ADGRL2: variants seen among roughly 807,000 people sequenced by gnomAD.
ADGRL2 encodes calcium-independent alpha-latrotoxin receptor 2.
ADGRL2 carries 44 observed loss-of-function variants against 157.4 expected under a neutral mutation model. The ratio of observed to expected loss-of-function variants is 0.28; its 90% confidence interval spans 0.22 to 0.36. ADGRL2 has a LOEUF of 0.36. ADGRL2 is among the 10% of genes least tolerant of loss of function. The probability of loss-of-function intolerance (pLI) is 1.00; values close to 1 mark genes in which losing one functional copy is unlikely to be tolerated. For missense variants in ADGRL2, 1,510 were observed against 1,768.9 expected (o/e 0.85, Z 2.63); for synonymous variants, 585 against 624.7 (o/e 0.94, Z 0.95).
intron 3 of ADGRL2, among the ~76,000 whole-genome samples, chr1:81,930,798 A>T (rs1359318466): frequency 6.6e-6 from 1 of 152,130 alleles, no homozygotes; most frequent in Non-Finnish European, 1.5e-5. Context: ...CCTGTAGGGT[A>T]GAAAGACTAC....
At chr1:81,731,108 T>C (rs1346714119) in intron 1 of ADGRL2, among the ~76,000 whole-genome samples, 1 of 152,180 alleles carries the variant, frequency 6.6e-6, no homozygotes, top group East Asian at 1.9e-4. Flanking sequence ...GCACAATAAT[T>C]TGACGTCAGG....
chr1:81,796,556 T>C (rs1468844016), upstream of ADGRL2, among the ~76,000 whole-genome samples: 1 of 152,168 alleles, frequency 6.6e-6, no homozygotes, highest in Non-Finnish European at 1.5e-5. Context: ...GAACAATAAT[T>C]ATGAAGAATA....
chr1:81,797,266 C>A (rs575739225), upstream of ADGRL2, among the ~76,000 whole-genome samples: 20 of 151,916 alleles, frequency 1.3e-4, no homozygotes, highest in Non-Finnish European at 2.8e-4. Context: ...TTTTTTGTTT[C>A]TTTTGAAACA....
chr1:81,586,425 A>G (rs915079575), intron 3 of ADGRL2: 5 of 152,092 alleles, frequency 3.3e-5, no homozygotes, highest in African/African-American at 9.7e-5. Context: ...TCTCATAACC[A>G]TGATTTATGC....
chr1:81,923,848 A>G (rs189377909), intron 3 of ADGRL2, among the ~76,000 whole-genome samples: 8 of 152,274 alleles, frequency 5.3e-5, no homozygotes, highest in African/African-American at 1.7e-4. Context: ...GTGAGGCCTG[A>G]TACAACAGTA....
chr1:81,769,292 A>C (rs1427683047), intron 2 of ADGRL2, among the ~76,000 whole-genome samples: 1 of 152,004 alleles, frequency 6.6e-6, no homozygotes, highest in South Asian at 2.1e-4. Context: ...TGCATTTCCC[A>C]CTCAAGAAAG....
At chr1:81,363,702 T>G (rs1027688956) in intron 1 of ADGRL2, among the ~76,000 whole-genome samples, 6 of 152,114 alleles carry the variant, frequency 3.9e-5, no homozygotes, top group Non-Finnish European at 8.8e-5. Flanking sequence ...CATAAAAGAT[T>G]GTGTTTTGTT....
At chr1:81,396,317 C>A (rs866049746) in intron 1 of ADGRL2, among the ~76,000 whole-genome samples, 1 of 152,252 alleles carries the variant, frequency 6.6e-6, no homozygotes, top group Non-Finnish European at 1.5e-5. Context: ...TTGGTGTATA[C>A]AAATGCTATT....
intron 3 of ADGRL2, among the ~76,000 whole-genome samples, chr1:81,650,024 T>C (rs1356806442): frequency 6.6e-6 from 1 of 151,644 alleles, no homozygotes; most frequent in Non-Finnish European, 1.5e-5. Flanking sequence ...GTGGGGTTAT[T>C]TGTGGGTGAT....
intron 13 of ADGRL2, 127 bp downstream of exon 13, chr1:81,966,736 C>T (rs1657162293): frequency 2.6e-6 from 2 of 761,544 alleles, no homozygotes; most frequent in African/African-American, 3.5e-5. Flanking sequence ...AAGACCTTTC[C>T]ATTTGAATTT....
chr1:81,782,575 ATT>A (rs1398532388), intron 2 of ADGRL2, among the ~76,000 whole-genome samples: 1 of 152,178 alleles, frequency 6.6e-6, no homozygotes, highest in Non-Finnish European at 1.5e-5. Flanking sequence ...GAAAGGGTTA[ATT>A]CTCTCAGGTG....
intron 2 of ADGRL2, chr1:81,502,752 C>A: frequency 6.2e-7 from 1 of 1,613,796 alleles, no homozygotes; most frequent in Admixed American, 1.7e-5. Context: ...TTGATGGCAA[C>A]CGCAGGGAGA....
At chr1:81,580,344 C>A (rs1261917487) in intron 2 of ADGRL2, among the ~76,000 whole-genome samples, 1 of 151,934 alleles carries the variant, frequency 6.6e-6, no homozygotes, top group Non-Finnish European at 1.5e-5. Context: ...AAAATAAACA[C>A]AACTGTGTCT....
chr1:81,627,765 G>T (rs1303392198), intron 3 of ADGRL2, among the ~76,000 whole-genome samples: 2 of 152,124 alleles, frequency 1.3e-5, no homozygotes, highest in African/African-American at 4.8e-5. Flanking sequence ...AGCTAAAATA[G>T]TCAAAGCAGG....
At chr1:81,403,614 G>A (rs1433545312) in intron 1 of ADGRL2, among the ~76,000 whole-genome samples, 3 of 152,034 alleles carry the variant, frequency 2.0e-5, no homozygotes, top group Non-Finnish European at 4.4e-5. Context: ...CATATCAAAA[G>A]TGGTGTTATA....
intron 2 of ADGRL2, among the ~76,000 whole-genome samples, chr1:81,543,649 A>G (rs866439825): frequency 1.3e-5 from 2 of 152,154 alleles, no homozygotes; most frequent in East Asian, 1.9e-4. Context: ...TCCTAATTCA[A>G]TTCATCTTCC....
chr1:81,331,052 G>A (rs939648801), intron 1 of ADGRL2, among the ~76,000 whole-genome samples: 4 of 152,064 alleles, frequency 2.6e-5, no homozygotes, highest in Non-Finnish European at 5.9e-5. Context: ...CACAGTGCCT[G>A]GTAAATTGAA....
intron 10 of ADGRL2, among the ~76,000 whole-genome samples, chr1:81,954,037 T>TA (rs1652680819): frequency 6.6e-6 from 1 of 152,108 alleles, no homozygotes; most frequent in Admixed American, 6.6e-5. Flanking sequence ...TTTTAGGTAA[T>TA]AATGGTCTGA....
chr1:81,425,497 C>T (rs534564313), intron 1 of ADGRL2, among the ~76,000 whole-genome samples: 8 of 152,112 alleles, frequency 5.3e-5, no homozygotes, highest in Non-Finnish European at 1.2e-4. Flanking sequence ...CCAAAATGAA[C>T]CCCACATGCC....
Sources: gnomAD v4.1 joint callset for allele counts (sites outside exome capture counted in the v4.1 genomes callset) on GRCh38, gnomAD v4.1.1 for gene constraint, MANE v1.5 for transcripts, NCBI Gene and HGNC (gene_info 2026-07-23, HGNC 2026-07-21) for gene names.